The following RADX variants were observed in gnomAD, a reference collection of about 807,000 sequenced individuals.
RADX encodes the protein RPA-related protein RADX.
RADX carries 36 observed loss-of-function variants against 61.6 expected under a neutral mutation model. The observed-to-expected ratio is 0.58, with a 90% CI of 0.45 to 0.77. RADX has a LOEUF of 0.77. Among genes scored for constraint, RADX ranks in the 30% least tolerant of loss-of-function variants. The pLI is 0.00. For missense variants in RADX, 497 were observed against 651.1 expected, an observed-to-expected ratio of 0.76 and a Z score of 2.58; for synonymous variants, 272 against 237.9, an observed-to-expected ratio of 1.14 and a Z score of -1.32.
chrX:106,641,686 T>C (rs1300474715), intron 10 of RADX, among the ~76,000 whole-genome samples: 1 of 111,013 alleles, frequency 9.0e-6, no homozygotes, highest in Non-Finnish European at 1.9e-5. Flanking sequence ...TGGGGTAGCA[T>C]CCCCACTTCT....
At chrX:106,661,155 A>G (rs1338050932) in intron 11 of RADX, among the ~76,000 whole-genome samples, 1 of 111,402 alleles carries the variant, frequency 9.0e-6, no homozygotes, top group Non-Finnish European at 1.9e-5. Flanking sequence ...AAGCCTAACC[A>G]TATCAATAAG....
At chrX:106,612,810 T>A (rs1416100815) in intron 1 of RADX, 87 bp downstream of exon 1, 7 of 969,756 alleles carry the variant, frequency 7.2e-6, no homozygotes, top group Non-Finnish European at 1.4e-6. Context: ...GAAAATGCTT[T>A]TGTATTGTTA....
In RADX at chrX:106,655,180, A is replaced by G. The variant is rs183087246; in HGVS notation, c.1978+6794A>G. Reference sequence around the variant, plus strand: ...TTATATCCAAAAATGTACATACCTGAATTTAAAAATACTGTATTGCTAATA... The same window carrying G: ...TTATATCCAAAAATGTACATACCTGGATTTAAAAATACTGTATTGCTAATA... On this transcript the variant is annotated intron_variant, in intron 11 of 13. Transcript: ENST00000372548. Among the ~76,000 whole-genome samples the G allele has an allele frequency of 2.4e-3, 268 of 111,428 alleles. 2 individuals are homozygous for G. Among genetic ancestry groups the G allele is most frequent in the Admixed American group, 6.5e-3 (68 of 10,452 alleles).
chrX:106,641,398 T>G (rs905191449), intron 10 of RADX, among the ~76,000 whole-genome samples: 2 of 111,207 alleles, frequency 1.8e-5, no homozygotes, highest in East Asian at 5.7e-4. Context: ...AAATTTCATA[T>G]GGATGTAATT....
rs187643406 is a variant in RADX at position 106,651,676 on chromosome X, A to T, written c.1978+3290A>T. 4.0e-3 allele frequency among the ~76,000 whole-genome samples: 444 copies of T among 111,642 alleles called. 4 individuals carry two copies. Among genetic ancestry groups the T allele is most frequent in the Middle Eastern group, 0.023 (5 of 215 alleles). On this transcript the variant is annotated intron_variant, in intron 11 of 13. Coordinates refer to ENST00000372548, the MANE Select transcript of RADX (RefSeq NM_018015.6). Reference sequence around the variant, plus strand: ...AAGATGAGAATTAAAGCATTCTAAGATCATTGTATCTTTATGGAAAATAGA... The same window carrying T: ...AAGATGAGAATTAAAGCATTCTAAGTTCATTGTATCTTTATGGAAAATAGA...
At chrX:106,657,495 A>G (rs1468852844) in intron 11 of RADX, among the ~76,000 whole-genome samples, 1 of 112,286 alleles carries the variant, frequency 8.9e-6, no homozygotes, top group Admixed American at 9.5e-5. Context: ...TTGGCTCAGA[A>G]GGCCTTAGTT....
At chrX:106,661,851 A>G (rs772616246) in intron 11 of RADX, among the ~76,000 whole-genome samples, 164 bp from the exon 12 acceptor site, 1 of 111,897 alleles carries the variant, frequency 8.9e-6, no homozygotes, top group Admixed American at 9.5e-5. Context: ...TCACTTTAAT[A>G]AGAATTTTCT....
intron 10 of RADX, among the ~76,000 whole-genome samples, chrX:106,645,028 C>A (rs565134712): frequency 5.4e-5 from 6 of 111,182 alleles, no homozygotes; most frequent in African/African-American, 2.0e-4. Flanking sequence ...TTGTTCATTT[C>A]TTCTAAATTT....
At chrX:106,671,164 G>A (rs756258901) in intron 13 of RADX, among the ~76,000 whole-genome samples, 1 of 111,465 alleles carries the variant, frequency 9.0e-6, no homozygotes, top group South Asian at 3.7e-4. Context: ...GTATTCTATT[G>A]CTCTCTCTCT....
chrX:106,616,230 A>G (rs1417716854), intron 1 of RADX, among the ~76,000 whole-genome samples: 1 of 111,679 alleles, frequency 9.0e-6, no homozygotes, highest in African/African-American at 3.3e-5. Flanking sequence ...AGTTGTACGT[A>G]GTAATCTATG....
At chrX:106,628,936 A>G (rs1927139819) in intron 3 of RADX, among the ~76,000 whole-genome samples, 1 of 112,005 alleles carries the variant, frequency 8.9e-6, no homozygotes, top group Admixed American at 9.5e-5. Context: ...CGCCTAGCCA[A>G]TGTAATTTTT....
At chrX:106,612,807 C>T in intron 1 of RADX, 84 bp downstream of exon 1, 1 of 976,546 alleles carries the variant, frequency 1.0e-6, no homozygotes, top group Non-Finnish European at 1.4e-6. Context: ...AATGAAAATG[C>T]TTTTGTATTG....
At chrX:106,642,961 G>A (rs1241031170) in intron 10 of RADX, among the ~76,000 whole-genome samples, 1 of 110,839 alleles carries the variant, frequency 9.0e-6, no homozygotes, top group Non-Finnish European at 1.9e-5. Context: ...AGGTAAAATG[G>A]TATCTATCCA....
At chrX:106,678,022 GCA>G (rs1411256637) in intron 13 of RADX, 104 bp from the exon 14 acceptor site, 5 of 458,856 alleles carry the variant, frequency 1.1e-5, no homozygotes, top group Non-Finnish European at 1.8e-5. Flanking sequence ...AGAGGATGGG[GCA>G]CAGTGTTAAT....
At chrX:106,613,150 A>G (rs772271889) in intron 1 of RADX, among the ~76,000 whole-genome samples, 23 of 112,289 alleles carry the variant, frequency 2.0e-4, no homozygotes, top group African/African-American at 6.8e-4. Flanking sequence ...AAGGTTGTAA[A>G]AATTTGCGGG....
Position 106,670,041 on chromosome X carries a change from G to A in RADX, c.2437+711G>A, listed in dbSNP as rs1474236600. 2.7e-5 allele frequency among the ~76,000 whole-genome samples: 3 copies of A among 111,708 alleles called. No individual in the cohort carries two copies. In the East Asian group the frequency reaches 8.4e-4, roughly 31 times the overall value. On this transcript the variant is annotated intron_variant, in intron 13 of 13. Coordinates refer to ENST00000372548, the MANE Select transcript of RADX (RefSeq NM_018015.6). ...GGCCTTATTATCTTGGGATTTTGTG[G>A]TGGGTCTTTCTAAGCTGATGAAACT...
chrX:106,648,239 T>G, intron 10 of RADX, 74 bp from the exon 11 acceptor site: 1 of 616,125 alleles, frequency 1.6e-6, no homozygotes, highest in Admixed American at 3.0e-5. Flanking sequence ...AAATTCTGAA[T>G]AGAACCAGTT....
At chrX:106,633,907 A>T (rs1456669008) in intron 6 of RADX, among the ~76,000 whole-genome samples, 1 of 111,778 alleles carries the variant, frequency 8.9e-6, no homozygotes, top group African/African-American at 3.2e-5. Flanking sequence ...ATCTATTATG[A>T]TAAGGAAAAA....
chrX:106,655,261 G>A (rs1470854033), intron 11 of RADX, among the ~76,000 whole-genome samples: 1 of 108,770 alleles, frequency 9.2e-6, no homozygotes, highest in Non-Finnish European at 1.9e-5. Flanking sequence ...CTGGCGGAGG[G>A]TCTTGCCTTA....
Sources: gnomAD v4.1 joint callset for allele counts (sites outside exome capture counted in the v4.1 genomes callset) on GRCh38, gnomAD v4.1.1 for gene constraint, MANE v1.5 for transcripts, NCBI Gene and HGNC (gene_info 2026-07-23, HGNC 2026-07-21) for gene names.